AKAP13: variants seen among roughly 807,000 people sequenced by gnomAD.
The protein encoded by AKAP13 is A-kinase anchor protein 13.
Under a neutral mutation model 264.5 loss-of-function variants are expected in AKAP13, and 80 were observed. The observed-to-expected ratio is 0.30, with a 90% confidence interval of 0.25 to 0.36. The LOEUF is 0.36. Ranked by LOEUF, AKAP13 falls within the 10% of genes least tolerant of loss-of-function variation. The pLI is 1.00. For synonymous variants in AKAP13, 1,380 were observed against 1,250.2 expected, an observed-to-expected ratio of 1.10 and a Z score of -2.19; for missense variants, 3,712 against 3,435.2, an observed-to-expected ratio of 1.08 and a Z score of -2.01.
At position 85,738,844 on chromosome 15, in the gene AKAP13, C is replaced by CAA. The variant is rs71468137; in HGVS notation, c.7558-1355_7558-1354dup. The stretch of plus-strand genomic sequence containing the variant: ...TGGGCGACAGAGCGAGACTCCGTCT[C>CAA]AAAAAAAAAAAAAAAAAAAAAAAAG... On this transcript the variant is annotated intron_variant, in intron 33 of 36. Coordinates refer to ENST00000394518, the MANE Select transcript of AKAP13 (RefSeq NM_007200.5). Among the ~76,000 whole-genome samples, 344 of 71,988 alleles carry CAA rather than the reference C, an allele frequency of 4.8e-3. 5 individuals are homozygous for CAA. The highest frequency in any genetic ancestry group is 0.015 in the African/African-American group (234 of 15,818). 47.2% of individuals were successfully genotyped at this position (71,988 alleles called of 152,430 possible).
Position 85,596,172 on chromosome 15 carries a change from G to A in AKAP13, c.4161+10349G>A, listed in dbSNP as rs185211778. 7.0e-4 allele frequency among the ~76,000 whole-genome samples: 106 copies of A among 152,290 alleles called. 1 individual carries two copies. The highest frequency in any genetic ancestry group is 2.5e-4 in the Non-Finnish European group (17 of 68,018). On this transcript the variant is annotated intron_variant, in intron 8 of 36. Transcript: ENST00000394518. ...TTCAGGGCAGAGAATACTCTTATGAGCACATTTAAAATATCTAAGTTTAAA... is the reference window on the plus strand; with the variant it reads ...TTCAGGGCAGAGAATACTCTTATGAACACATTTAAAATATCTAAGTTTAAA...
At chr15:85,622,621 T>C (rs2081246277) in intron 8 of AKAP13, among the ~76,000 whole-genome samples, 1 of 152,202 alleles carries the variant, frequency 6.6e-6, no homozygotes, top group Non-Finnish European at 1.5e-5. Context: ...GATTTTGTGG[T>C]CTGAAGTGGG....
chr15:85,550,867 T>C (rs2077939055), intron 5 of AKAP13, among the ~76,000 whole-genome samples: 1 of 152,152 alleles, frequency 6.6e-6, no homozygotes, highest in African/African-American at 2.4e-5. Context: ...TAGAACTGAG[T>C]GGAAACTAGA....
intron 14 of AKAP13, among the ~76,000 whole-genome samples, chr15:85,677,839 G>A (rs993130135): frequency 2.0e-5 from 3 of 151,874 alleles, no homozygotes; most frequent in Admixed American, 6.6e-5. Flanking sequence ...TAGTAGAGAC[G>A]GGGTTTCACC....
intron 5 of AKAP13, among the ~76,000 whole-genome samples, chr15:85,566,626 C>CTTT (rs35129066): frequency 4.4e-5 from 6 of 135,284 alleles, no homozygotes; most frequent in Admixed American, 1.5e-4. Context: ...AAATAACTTA[C>CTTT]TTTTTTTTTT....
chr15:85,400,235 C>T (rs2071357110), intron 1 of AKAP13, among the ~76,000 whole-genome samples: 3 of 152,086 alleles, frequency 2.0e-5, no homozygotes, highest in Non-Finnish European at 4.4e-5. Context: ...TAGTGAGAGC[C>T]TGTCTCTACA....
In AKAP13 at chr15:85,734,139, T is replaced by G. The variant is rs1035446548; in HGVS notation, c.7283-853T>G. On this transcript the variant is annotated intron_variant, in intron 30 of 36. Transcript: ENST00000394518. ...TGAGCCACTGCACCCAGCTGTCTTT[T>G]GTCATTTTCTTAATGTGTTTTGGTC... Among the ~76,000 whole-genome samples the G allele has an allele frequency of 9.7e-5, 14 of 144,012 alleles. No homozygotes were observed. The South Asian group carries it at 1.7e-3, about 18-fold the overall frequency. The allele number at this position is 144,012 out of a possible 152,430, so 94.5% of individuals were successfully genotyped here.
chr15:85,689,961 T>C (rs1227435536), intron 16 of AKAP13: 4 of 152,268 alleles, frequency 2.6e-5, no homozygotes, highest in Non-Finnish European at 5.9e-5. Flanking sequence ...TCAAAGCTGC[T>C]GAGCTCTGCC....
rs1195078882 is a variant in AKAP13 at position 85,747,229 on chromosome 15, ATC to A, written c.*2558_*2559del. On this transcript the variant is annotated 3_prime_UTR_variant, in exon 37 of 37. Coordinates refer to ENST00000394518, the MANE Select transcript of AKAP13 (RefSeq NM_007200.5). ...AGAACTGTGCTTACATACCTTTGTC[ATC>A]TCTCTTCCCCCCTTGGAAGTTGTCC... The A allele has an allele frequency of 6.6e-6, 1 of 152,118 alleles. No individual in the cohort carries two copies. The highest frequency in any genetic ancestry group is 1.5e-5 in the Non-Finnish European group (1 of 68,026). 9.4% of individuals were successfully genotyped at this position (152,118 alleles called of 1,614,324 possible). A position where few individuals can be genotyped will look rare whatever the true frequency, so the allele number is the denominator to read the frequency against.
At chr15:85,699,378 A>T (rs958891069) in intron 17 of AKAP13, among the ~76,000 whole-genome samples, 2 of 152,076 alleles carry the variant, frequency 1.3e-5, no homozygotes, top group Admixed American at 6.6e-5. Flanking sequence ...CAGGAGGCAG[A>T]GGTTGCAGTG....
In AKAP13 at chr15:85,521,464, G is replaced by C. The variant is rs1289947220; in HGVS notation, c.70G>C (p.Asp24His). 13 of 1,614,094 alleles carry C rather than the reference G, an allele frequency of 8.1e-6. No homozygotes were observed. Among genetic ancestry groups the C allele is most frequent in the Non-Finnish European group, 1.1e-5 (13 of 1,179,998 alleles). The change falls in exon 3 of 37, where the codon GAC (aspartate) becomes CAC (histidine). Residue 24 changes from aspartate (D) to histidine (H), a missense_variant. Physicochemically the swap from Asp to His is moderately conservative, Grantham distance 81. This residue lies in a region of AKAP13 where 2,759 missense variants were observed against 2,411.7 expected (regional missense o/e 1.14). Coordinates refer to ENST00000394518, the MANE Select transcript of AKAP13 (RefSeq NM_007200.5). ...TGTTACAGTGCTGCTTGCTGAAGAG[G>C]ACAAAGCTGAAGATGATGTAGTGTT... ...CVVTVLLAEE[D>H]KAEDDVVFYL...
intron 5 of AKAP13, among the ~76,000 whole-genome samples, chr15:85,570,153 T>C (rs1332011847): frequency 6.6e-6 from 1 of 150,472 alleles, no homozygotes; most frequent in Non-Finnish European, 1.5e-5. Context: ...TTTGGTAGCA[T>C]TCAGAGTGAG....
In AKAP13 at chr15:85,581,078, C is replaced by A. The variant is rs1409554556; in HGVS notation, c.3010C>A (p.Gln1004Lys). The change falls in exon 7 of 37, where the codon CAA (glutamine) becomes AAA (lysine). Residue 1004 changes from glutamine to lysine, a missense_variant. Physicochemically the swap from Gln to Lys is moderately conservative, Grantham distance 53. This residue lies in a region of AKAP13 where 2,759 missense variants were observed against 2,411.7 expected (regional missense o/e 1.14). Transcript: ENST00000394518. Reference protein sequence around the residue: ...ETEHNKEVAPQVSLLTQGGAA... With the variant: ...ETEHNKEVAPKVSLLTQGGAA... ...TGAACATAACAAGGAAGTGGCCCCACAAGTCTCACTGCTGACTCAAGGTGG... is the reference window on the plus strand; with the variant it reads ...TGAACATAACAAGGAAGTGGCCCCAAAAGTCTCACTGCTGACTCAAGGTGG... 6.2e-7 allele frequency: 1 copy of A among 1,614,058 alleles called. No homozygotes were observed. The highest frequency in any genetic ancestry group is 1.7e-5 in the Admixed American group (1 of 60,032).
intron 1 of AKAP13, among the ~76,000 whole-genome samples, chr15:85,471,980 A>T (rs1339104786): frequency 1.3e-5 from 2 of 152,142 alleles, no homozygotes; most frequent in African/African-American, 4.8e-5. Flanking sequence ...TTTACCATGT[A>T]TCTCTCTATT....
At chr15:85,415,244 G>A in intron 1 of AKAP13, 2 of 1,564,032 alleles carry the variant, frequency 1.3e-6, no homozygotes, top group Non-Finnish European at 1.7e-6. Flanking sequence ...CAGTTCAGCA[G>A]CTGGAAGGAA....
intron 5 of AKAP13, among the ~76,000 whole-genome samples, chr15:85,569,904 C>T (rs1335365843): frequency 4.6e-5 from 7 of 151,660 alleles, no homozygotes; most frequent in African/African-American, 7.3e-5. Flanking sequence ...GGTGAAACCC[C>T]GTTGCTACTA....
Position 85,579,995 on chromosome 15 carries a change from C to G in AKAP13, c.1927C>G (p.Gln643Glu), listed in dbSNP as rs199949454. ...QNSETNSSHA[Q>E]SQKGKSSPIC... The stretch of plus-strand genomic sequence containing the variant: ...CTCAGAAACAAATTCATCTCATGCT[C>G]AAAGCCAAAAGGGCAAATCCTCACC... The change falls in exon 7 of 37, where the codon CAA (glutamine) becomes GAA (glutamate). Residue 643 changes from glutamine to glutamate, a missense_variant. By Grantham distance (29) the Gln-to-Glu change is conservative. Coordinates refer to ENST00000394518, the MANE Select transcript of AKAP13 (RefSeq NM_007200.5). 22 of 1,614,064 alleles carry G rather than the reference C, an allele frequency of 1.4e-5. No individual in the cohort carries two copies. Among genetic ancestry groups the G allele is most frequent in the South Asian group, 1.2e-4 (11 of 91,072 alleles).
At chr15:85,712,978 A>G (rs991987474) in intron 19 of AKAP13, among the ~76,000 whole-genome samples, 6 of 152,300 alleles carry the variant, frequency 3.9e-5, no homozygotes, top group Admixed American at 2.6e-4. Flanking sequence ...GACATTACCA[A>G]ACCTCTCTGT....
At chr15:85,480,307 A>G (rs12913754) in intron 1 of AKAP13, among the ~76,000 whole-genome samples, 37,468 of 152,060 alleles carry the variant, frequency 0.25, 6,075 homozygotes, top group Middle Eastern at 0.41. Context: ...ATGGATTTCA[A>G]AGTATCTTAT....
Sources: gnomAD v4.1 joint callset for allele counts (sites outside exome capture counted in the v4.1 genomes callset) on GRCh38, gnomAD v4.1.1 for gene constraint, gnomAD v4.1.1 regional missense constraint, MANE v1.5 for transcripts, NCBI Gene and HGNC (gene_info 2026-07-23, HGNC 2026-07-21) for gene names.